IPO11: variants seen among roughly 807,000 people sequenced by gnomAD.
The protein encoded by IPO11 is importin 11.
IPO11 carries 66 observed loss-of-function variants against 143.2 expected under a neutral mutation model. The ratio of observed to expected loss-of-function variants is 0.46; its 90% CI spans 0.38 to 0.57. The LOEUF (loss-of-function observed/expected upper bound fraction) is 0.57, where lower values mean the gene tolerates loss of function less well. Among genes scored for constraint, IPO11 ranks in the 20% least tolerant of loss-of-function variants. The pLI is 0.00. For missense variants in IPO11, 1,026 were observed against 1,141.0 expected (o/e 0.90, Z 1.45); for synonymous variants, 385 against 377.8 (o/e 1.02, Z -0.22).
At chr5:62,441,937 C>T (rs899794358) in intron 2 of IPO11, among the ~76,000 whole-genome samples, 3 of 151,708 alleles carry the variant, frequency 2.0e-5, no homozygotes, top group African/African-American at 7.3e-5. Flanking sequence ...CCTCCACCTT[C>T]CTGGTTGAAG....
At chr5:62,522,907 CTTA>C (rs919038263) in intron 20 of IPO11, among the ~76,000 whole-genome samples, 3 of 152,314 alleles carry the variant, frequency 2.0e-5, no homozygotes, top group African/African-American at 4.8e-5. Flanking sequence ...TAGAAGTCCT[CTTA>C]TTATTAATAC....
At chr5:62,457,217 G>C (rs1399625390) in intron 5 of IPO11, among the ~76,000 whole-genome samples, 1 of 152,094 alleles carries the variant, frequency 6.6e-6, no homozygotes, top group Non-Finnish European at 1.5e-5. Flanking sequence ...GGCTGGGCAT[G>C]GTGACTCATG....
At chr5:62,536,895 A>G (rs1228410017) in intron 23 of IPO11, 114 bp downstream of exon 23, 7 of 1,121,670 alleles carry the variant, frequency 6.2e-6, no homozygotes, top group Non-Finnish European at 7.1e-6. Flanking sequence ...ATTTTAAGAC[A>G]GAGAAACATT....
At chr5:62,599,026 A>G (rs961649429) in intron 28 of IPO11, among the ~76,000 whole-genome samples, 4 of 152,194 alleles carry the variant, frequency 2.6e-5, no homozygotes, top group Non-Finnish European at 5.9e-5. Context: ...TTCCTCAACA[A>G]CATTAGCATC....
At chr5:62,504,646 T>G (rs189098915) in intron 16 of IPO11, 21 bp from the exon 17 acceptor site, 1 of 1,373,538 alleles carries the variant, frequency 7.3e-7, no homozygotes, top group African/African-American at 1.5e-5. Flanking sequence ...AATTAAAAAC[T>G]AATGATATAC....
intron 3 of IPO11, among the ~76,000 whole-genome samples, chr5:62,449,314 A>T (rs1302764095): frequency 1.3e-5 from 2 of 152,172 alleles, no homozygotes; most frequent in Non-Finnish European, 2.9e-5. Context: ...TCTCATACGC[A>T]GTCAAAATTA....
intron 1 of IPO11, among the ~76,000 whole-genome samples, chr5:62,428,218 C>T (rs1431161481): frequency 6.6e-6 from 1 of 151,918 alleles, no homozygotes; most frequent in Non-Finnish European, 1.5e-5. Flanking sequence ...TTTAAAGAGA[C>T]ATGGTGTCAT....
intron 1 of IPO11, among the ~76,000 whole-genome samples, chr5:62,426,358 G>T (rs547494022): frequency 6.6e-6 from 1 of 152,252 alleles, no homozygotes; most frequent in East Asian, 1.9e-4. Context: ...TAGTCTTCCA[G>T]CCTGGGCAAC....
intron 22 of IPO11, among the ~76,000 whole-genome samples, chr5:62,533,399 A>T (rs1437710639): frequency 6.6e-6 from 1 of 151,940 alleles, no homozygotes; most frequent in Non-Finnish European, 1.5e-5. Flanking sequence ...TTTAATAGAG[A>T]TGAGGTTTCT....
rs934652656 is a variant in IPO11, at chr5:62,566,318, A to C, written c.2582+5061A>C. Among the ~76,000 whole-genome samples the C allele has an allele frequency of 2.0e-5, 3 of 152,130 alleles. No individual in the cohort carries two copies. The East Asian group carries it at 5.8e-4, about 29-fold the overall frequency. ...GTTTCTTGACTTTTTAATAATCGCCATTCTGTCTGGCATGAGATGGTATCT... is the reference window on the plus strand; with the variant it reads ...GTTTCTTGACTTTTTAATAATCGCCCTTCTGTCTGGCATGAGATGGTATCT... On this transcript the variant is annotated intron_variant, in intron 27 of 29. Coordinates refer to ENST00000325324, the MANE Select transcript of IPO11 (RefSeq NM_016338.5).
intron 3 of IPO11, among the ~76,000 whole-genome samples, chr5:62,444,097 C>CTTTTTTTT (rs533439906): frequency 1.4e-5 from 2 of 139,202 alleles, no homozygotes; most frequent in African/African-American, 2.6e-5. Flanking sequence ...ATGTCTTTTT[C>CTTTTTTTT]TTTTTTTTTT....
intron 29 of IPO11, among the ~76,000 whole-genome samples, chr5:62,605,645 G>A (rs1745682720): frequency 6.6e-6 from 1 of 151,572 alleles, no homozygotes; most frequent in South Asian, 2.1e-4. Context: ...CTTGTAAGTT[G>A]TAATTTCCAA....
In IPO11 at chr5:62,437,277, T is replaced by G. The variant is rs1441528413; in HGVS notation, c.-3T>G. The G allele has an allele frequency of 6.3e-7, 1 of 1,587,782 alleles. No individual in the cohort carries two copies. On this transcript the variant is annotated 5_prime_UTR_variant, in exon 2 of 30. Coordinates refer to ENST00000325324, the MANE Select transcript of IPO11 (RefSeq NM_016338.5). ...TATGTTAACTTATCATTGCCAGGTT[T>G]CCATGGATCTCAATAGTGCCAGCAC...
At position 62,580,284 on chromosome 5, in the gene IPO11, C is replaced by G. The variant is rs1043298811; in HGVS notation, c.2583-11293C>G. On this transcript the variant is annotated intron_variant, in intron 27 of 29. Transcript: ENST00000325324. Reference sequence around the variant, plus strand: ...GAATTAATAATCTTAAACATTTGATCTTAAGTCATAATGATTTAGAGAATT... The same window carrying G: ...GAATTAATAATCTTAAACATTTGATGTTAAGTCATAATGATTTAGAGAATT... The G allele has an allele frequency of 2.6e-6, 4 of 1,538,894 alleles. No individual in the cohort carries two copies. In the African/African-American group the frequency reaches 5.5e-5, roughly 21 times the overall value.
chr5:62,475,966 C>T (rs558526553), intron 8 of IPO11, among the ~76,000 whole-genome samples: 47 of 152,344 alleles, frequency 3.1e-4, no homozygotes, highest in Admixed American at 1.8e-3. Context: ...TTAGTCTACT[C>T]ACTTTTAAGG....
At chr5:62,417,804 C>T (rs965118233) in intron 1 of IPO11, among the ~76,000 whole-genome samples, 2 of 152,196 alleles carry the variant, frequency 1.3e-5, no homozygotes, top group African/African-American at 4.8e-5. Flanking sequence ...AAATACTTGA[C>T]ATTCATGTCA....
At position 62,489,342 on chromosome 5, in the gene IPO11, A is replaced by C; in HGVS notation, c.1350A>C (p.Lys450Asn). ...AAGATATGAATGCACTGTTAATCAA[A>C]GATGCTGGTATGTTAAACTTAAGTG... ...NVEDMNALLIKDAVYNAVGLA... is the reference protein window; with the variant it reads ...NVEDMNALLINDAVYNAVGLA... The change falls in exon 14 of 30, where the codon AAA (lysine) becomes AAC (asparagine). Residue 450 changes from lysine (K) to asparagine (N), a missense_variant. Lys to Asn is a moderately conservative substitution (Grantham distance 94, BLOSUM62 0). Around this residue, in one of 5 missense-constraint regions of IPO11, gnomAD observed 237 missense variants for 288.0 expected, o/e 0.82. Transcript: ENST00000325324. 1 of 1,561,302 alleles carries C rather than the reference A, an allele frequency of 6.4e-7. No individual in the cohort carries two copies. The highest frequency in any genetic ancestry group is 8.7e-7 in the Non-Finnish European group (1 of 1,148,386).
At position 62,551,302 on chromosome 5, in the gene IPO11, T is replaced by A; in HGVS notation, c.2426T>A (p.Leu809Gln). Reference protein sequence around the residue: ...LLQNTSFFSSLLNEMAHKFNQ... With the variant: ...LLQNTSFFSSQLNEMAHKFNQ... ...CAAAACACTAGTTTTTTTTCTTCACTACTTAATGAGATGGCCCATAAATTT... is the reference window on the plus strand; with the variant it reads ...CAAAACACTAGTTTTTTTTCTTCACAACTTAATGAGATGGCCCATAAATTT... Residue 809 changes from leucine to glutamine, a missense_variant, in exon 26 of 30, where the codon CTA (leucine) becomes CAA (glutamine). Coordinates refer to ENST00000325324, the MANE Select transcript of IPO11 (RefSeq NM_016338.5). 1 of 1,605,702 alleles carries A rather than the reference T, an allele frequency of 6.2e-7. No individual in the cohort carries two copies. Among genetic ancestry groups the A allele is most frequent in the Non-Finnish European group, 8.5e-7 (1 of 1,173,882 alleles).
rs148964090 is a variant in IPO11 at position 62,601,780 on chromosome 5, C to T, written c.2695C>T (p.His899Tyr). The change falls in exon 29 of 30, where the codon CAT becomes TAT. Residue 899 changes from histidine to tyrosine, a missense_variant. Coordinates refer to ENST00000325324, the MANE Select transcript of IPO11 (RefSeq NM_016338.5). ...TTATTATAGCTGTATGTTGATGTCT[C>T]ATCTTGAGGAACCAAAAGTAACAGA... ...GTYKDCMLMSHLEEPKVTEDE... is the reference protein window; with the variant it reads ...GTYKDCMLMSYLEEPKVTEDE... 6.3e-7 allele frequency: 1 copy of T among 1,584,450 alleles called. No individual in the cohort carries two copies. The highest frequency in any genetic ancestry group is 8.6e-7 in the Non-Finnish European group (1 of 1,163,914).
Sources: allele counts gnomAD v4.1 joint callset (sites outside exome capture counted in the v4.1 genomes callset), GRCh38; gene constraint gnomAD v4.1.1; regional missense constraint gnomAD v4.1.1; transcripts MANE v1.5; gene names NCBI Gene and HGNC (gene_info 2026-07-23, HGNC 2026-07-21).